PLA2G4A: variants seen among roughly 807,000 people sequenced by gnomAD.
The protein encoded by PLA2G4A is cytosolic phospholipase A2.
PLA2G4A carries 40 observed loss-of-function variants against 81.9 expected under a neutral mutation model. The ratio of observed to expected loss-of-function variants is 0.49; its 90% CI spans 0.38 to 0.64. The LOEUF is 0.64. Among genes scored for constraint, PLA2G4A ranks in the 30% least tolerant of loss-of-function variants. The pLI is 0.00. For missense variants in PLA2G4A, 715 were observed against 905.1 expected (o/e 0.79, Z 2.69); for synonymous variants, 302 against 296.9 (o/e 1.02, Z -0.18).
chr1:186,894,634 C>G (rs1422062218), intron 5 of PLA2G4A, among the ~76,000 whole-genome samples: 2 of 151,950 alleles, frequency 1.3e-5, no homozygotes, highest in Non-Finnish European at 2.9e-5. Flanking sequence ...ATTCCAAAAC[C>G]ACATGTTTAG....
In PLA2G4A at chr1:186,956,118, T is replaced by C. The variant is rs778393450; in HGVS notation, c.1353T>C (p.Asp451=). The change falls in exon 14 of 18, where the codon GAT becomes GAC. Residue 451 remains aspartate, a synonymous_variant. Transcript: ENST00000367466. The stretch of plus-strand genomic sequence containing the variant: ...TTTCCCTAGGCACTGAAAATGAAGA[T>C]GCTGGAAGTGACTATCAAAGTGATA... ...SHEPKGTENE[D]AGSDYQSDNQ... is the part of the protein sequence containing the mutation. The C allele has an allele frequency of 6.2e-7, 1 of 1,613,130 alleles. No individual in the cohort carries two copies. The highest frequency in any genetic ancestry group is 2.2e-5 in the East Asian group (1 of 44,870).
intron 7 of PLA2G4A, among the ~76,000 whole-genome samples, chr1:186,917,242 A>G (rs1159956889): frequency 1.3e-5 from 2 of 151,904 alleles, no homozygotes; most frequent in Non-Finnish European, 2.9e-5. Flanking sequence ...GACACCTCTC[A>G]TTTACCCAAG....
chr1:186,934,927 A>T (rs1483926109), intron 8 of PLA2G4A, among the ~76,000 whole-genome samples: 2 of 151,922 alleles, frequency 1.3e-5, no homozygotes, highest in Non-Finnish European at 2.9e-5. Flanking sequence ...TTGGTCCATT[A>T]TATCCATATG....
intron 12 of PLA2G4A, among the ~76,000 whole-genome samples, chr1:186,949,385 A>AAT (rs1350784943): frequency 4.2e-4 from 5 of 11,990 alleles, no homozygotes; most frequent in African/African-American, 1.1e-3. Flanking sequence ...GAAAGAAAGA[A>AAT]AGAAAAAAGA....
intron 3 of PLA2G4A, among the ~76,000 whole-genome samples, chr1:186,885,913 G>A (rs1268108605): frequency 1.3e-5 from 2 of 152,080 alleles, no homozygotes; most frequent in African/African-American, 4.8e-5. Flanking sequence ...AGGAATATCT[G>A]GGGTATGACA....
chr1:186,902,437 C>A (rs1457038570), intron 5 of PLA2G4A, among the ~76,000 whole-genome samples: 3 of 152,250 alleles, frequency 2.0e-5, no homozygotes, highest in South Asian at 2.1e-4. Flanking sequence ...CACTCTAGTT[C>A]CATGCTGCCC....
chr1:186,934,612 C>A (rs1449837771), intron 8 of PLA2G4A, among the ~76,000 whole-genome samples: 2 of 151,362 alleles, frequency 1.3e-5, no homozygotes, highest in East Asian at 3.9e-4. Flanking sequence ...CCATAAAGAT[C>A]AGCTTTTACC....
At chr1:186,869,719 G>A (rs1024921479) in intron 2 of PLA2G4A, among the ~76,000 whole-genome samples, 1 of 152,178 alleles carries the variant, frequency 6.6e-6, no homozygotes, top group Admixed American at 6.5e-5. Flanking sequence ...AAATGTTTGA[G>A]TTTTAGATAA....
intron 14 of PLA2G4A, among the ~76,000 whole-genome samples, chr1:186,964,079 C>T (rs1657048492): frequency 6.6e-6 from 1 of 152,162 alleles, no homozygotes; most frequent in African/African-American, 2.4e-5. Context: ...GTGTGCTGAG[C>T]ATGTATGTAT....
chr1:186,879,417 A>G (rs1312179260), intron 3 of PLA2G4A, among the ~76,000 whole-genome samples: 1 of 152,032 alleles, frequency 6.6e-6, no homozygotes, highest in African/African-American at 2.4e-5. Flanking sequence ...TGAAAATTAC[A>G]AGAAAAATAA....
At chr1:186,925,982 A>G (rs1655533736) in intron 7 of PLA2G4A, among the ~76,000 whole-genome samples, 1 of 152,238 alleles carries the variant, frequency 6.6e-6, no homozygotes, top group Admixed American at 6.5e-5. Context: ...CATTGCATGC[A>G]TGGAGTAAAT....
intron 2 of PLA2G4A, among the ~76,000 whole-genome samples, chr1:186,865,452 A>G (rs1163958846): frequency 1.3e-5 from 2 of 152,146 alleles, no homozygotes; most frequent in African/African-American, 4.8e-5. Flanking sequence ...CGAAACTGAA[A>G]ATAAGTATCT....
chr1:186,912,809 T>TAC (rs1558430507), intron 7 of PLA2G4A, among the ~76,000 whole-genome samples: 1 of 145,390 alleles, frequency 6.9e-6, no homozygotes, highest in African/African-American at 2.5e-5. Context: ...TATATATATA[T>TAC]ACATATATAT....
chr1:186,830,608 C>CAA (rs55745208), intron 1 of PLA2G4A, among the ~76,000 whole-genome samples: 2,266 of 72,064 alleles, frequency 0.031, 187 homozygotes, highest in African/African-American at 0.086. Flanking sequence ...AGCTCTGTCT[C>CAA]AAAAAAAAAA....
chr1:186,881,440 G>A (rs1160491367), intron 3 of PLA2G4A, among the ~76,000 whole-genome samples: 2 of 151,982 alleles, frequency 1.3e-5, no homozygotes, highest in Admixed American at 1.3e-4. Context: ...AAACCACATT[G>A]GATTCTTCAC....
intron 14 of PLA2G4A, among the ~76,000 whole-genome samples, chr1:186,959,616 T>A (rs185563142): frequency 8.5e-4 from 130 of 152,320 alleles, no homozygotes; most frequent in African/African-American, 3.1e-3. Context: ...TTGCTAAAAA[T>A]AATTTCATTT....
At chr1:186,977,849 T>C in intron 16 of PLA2G4A, 61 bp downstream of exon 16, 2 of 1,067,792 alleles carry the variant, frequency 1.9e-6, no homozygotes, top group Admixed American at 3.4e-5. Flanking sequence ...GAAACTGACA[T>C]TAAACTGTTT....
intron 7 of PLA2G4A, among the ~76,000 whole-genome samples, chr1:186,925,560 T>A (rs905427997): frequency 2.6e-5 from 4 of 152,064 alleles, no homozygotes; most frequent in Non-Finnish European, 5.9e-5. Context: ...TGTACAGCGC[T>A]CCCTCTTGCT....
chr1:186,970,790 T>C (rs1412776961), intron 15 of PLA2G4A, among the ~76,000 whole-genome samples: 2 of 152,122 alleles, frequency 1.3e-5, no homozygotes, highest in African/African-American at 4.8e-5. Context: ...GCCAGTATCA[T>C]GCTGTTTTGG....
Sources: gnomAD v4.1 joint callset for allele counts (sites outside exome capture counted in the v4.1 genomes callset) on GRCh38, gnomAD v4.1.1 for gene constraint, MANE v1.5 for transcripts, NCBI Gene and HGNC (gene_info 2026-07-23, HGNC 2026-07-21) for gene names.